The following SYNE2 variants were observed in gnomAD, a reference collection of about 807,000 sequenced individuals.
The protein encoded by SYNE2 is nesprin-2.
In SYNE2, 431 loss-of-function variants were observed where a neutral mutation model predicts 856.3. That is an observed-to-expected ratio of 0.50 (90% confidence interval 0.47 to 0.55). The LOEUF is 0.55. SYNE2 is among the 20% of genes least tolerant of loss of function. The pLI is 0.00. For synonymous variants in SYNE2, 2,923 were observed against 2,872.3 expected (o/e 1.02, Z -0.56); for missense variants, 8,129 against 8,023.2 (o/e 1.01, Z -0.50).
At chr14:64,114,449 A>T (rs1048509871) in intron 66 of SYNE2, among the ~76,000 whole-genome samples, 1 of 152,190 alleles carries the variant, frequency 6.6e-6, no homozygotes, top group Non-Finnish European at 1.5e-5. Context: ...GCCCTGCCAC[A>T]GGGAGCGTTT....
In SYNE2 at chr14:64,175,117, G is replaced by A. The variant is rs746000868; in HGVS notation, c.17409G>A (p.Lys5803=). The part of the protein sequence containing the change: ...DMEPQLAEMI[K]QFQSTVETWD... ...AGCCCCAGCTGGCAGAGATGATTAA[G>A]CAGTTCCAGAGCACTGTAGAGGTAA... Residue 5803 remains lysine, a synonymous_variant, in exon 95 of 116, where the codon AAG becomes AAA. Coordinates refer to ENST00000555002, the MANE Select transcript of SYNE2 (RefSeq NM_182914.3). The A allele has an allele frequency of 5.0e-6, 8 of 1,613,920 alleles. No individual in the cohort carries two copies. In the African/African-American group the frequency reaches 1.1e-4, roughly 22 times the overall value.
At chr14:64,047,332 GAC>G (rs2097193486) in intron 45 of SYNE2, among the ~76,000 whole-genome samples, 1 of 152,148 alleles carries the variant, frequency 6.6e-6, no homozygotes, top group African/African-American at 2.4e-5. Flanking sequence ...TTAAAGCGAA[GAC>G]ACCACTCAAA....
intron 87 of SYNE2, among the ~76,000 whole-genome samples, chr14:64,160,191 T>C (rs921032631): frequency 2.0e-5 from 3 of 152,194 alleles, no homozygotes; most frequent in Non-Finnish European, 4.4e-5. Flanking sequence ...GGAGACAGAC[T>C]AAGAGGAACC....
chr14:63,983,516 T>C (rs1366674612), intron 17 of SYNE2, among the ~76,000 whole-genome samples: 2 of 152,206 alleles, frequency 1.3e-5, no homozygotes, highest in Non-Finnish European at 2.9e-5. Flanking sequence ...ATATGTAGCA[T>C]AGTGCCTCAT....
chr14:64,194,132 A>G (rs1394765685), intron 99 of SYNE2, among the ~76,000 whole-genome samples: 1 of 152,218 alleles, frequency 6.6e-6, no homozygotes, highest in African/African-American at 2.4e-5. Context: ...TCATCAACAC[A>G]GGTCATTTAA....
chr14:64,099,347 A>G (rs2097702497), intron 63 of SYNE2: 1 of 172,892 alleles, frequency 5.8e-6, no homozygotes, highest in Non-Finnish European at 1.2e-5. Flanking sequence ...GGGTCTTAAG[A>G]CAAAAGGAAG....
At chr14:64,178,131 C>T (rs1001131278) in intron 96 of SYNE2, among the ~76,000 whole-genome samples, 4 of 152,170 alleles carry the variant, frequency 2.6e-5, no homozygotes, top group Non-Finnish European at 5.9e-5. Flanking sequence ...TTTCTTCCTT[C>T]AGTGACTTTC....
At chr14:64,183,056 G>GGA (rs1274534530) in intron 96 of SYNE2, among the ~76,000 whole-genome samples, 3 of 148,956 alleles carry the variant, frequency 2.0e-5, no homozygotes, top group Non-Finnish European at 4.5e-5. Flanking sequence ...GCTGCTGGGC[G>GGA]GAGACGCTCC....
intron 1 of SYNE2, among the ~76,000 whole-genome samples, chr14:63,883,602 C>G (rs8022052): frequency 0.033 from 4,961 of 151,930 alleles, 287 homozygotes; most frequent in African/African-American, 0.11. Flanking sequence ...GCAATCCTCC[C>G]ACCTTGGCCT....
At chr14:63,908,465 A>C (rs1457421265) in intron 1 of SYNE2, among the ~76,000 whole-genome samples, 1 of 152,138 alleles carries the variant, frequency 6.6e-6, no homozygotes, top group African/African-American at 2.4e-5. Flanking sequence ...TATGAAGTAA[A>C]AACTGCTCTC....
chr14:64,214,545 G>A (rs1464846097), intron 106 of SYNE2, 75 bp downstream of exon 106: 2 of 1,418,578 alleles, frequency 1.4e-6, no homozygotes, highest in Non-Finnish European at 1.9e-6. Flanking sequence ...AACACGGCCA[G>A]CTCTCAATGA....
Position 64,122,297 on chromosome 14 carries a change from C to T in SYNE2, c.13292C>T (p.Ser4431Phe), listed in dbSNP as rs867758242. ...TTCTTCTTCAAAAGCAACCAGGCAT[C>T]CAGCCCTGAAAATGACGTTCCAGAC... is the stretch of plus-strand genomic sequence containing the variant. ...TQESSASNQASSPENDVPDSI... is the reference protein window; with the variant it reads ...TQESSASNQAFSPENDVPDSI... The change falls in exon 70 of 116, where the codon TCC becomes TTC. Residue 4431 changes from serine to phenylalanine, a missense_variant. By Grantham distance (155) the Ser-to-Phe change is radical. Transcript: ENST00000555002. 1 of 1,614,166 alleles carries T rather than the reference C, an allele frequency of 6.2e-7. No individual in the cohort carries two copies. The highest frequency in any genetic ancestry group is 8.5e-7 in the Non-Finnish European group (1 of 1,180,024).
Position 64,029,908 on chromosome 14 carries a change from A to C in SYNE2, c.6728A>C (p.Asn2243Thr), listed in dbSNP as rs748682867. Reference sequence around the variant, plus strand: ...CTTTATTTTTAGGATTCTGTGCAAAACTTGGACGGTCACGTTCGAGAACAT... The same window carrying C: ...CTTTATTTTTAGGATTCTGTGCAAACCTTGGACGGTCACGTTCGAGAACAT... ...LLQQLQDSVQ[N>T]LDGHVREHDS... is the part of the protein sequence containing the mutation. Residue 2243 changes from asparagine (N) to threonine (T), a missense_variant, in exon 44 of 116, where the codon AAC becomes ACC. Coordinates refer to ENST00000555002, the MANE Select transcript of SYNE2 (RefSeq NM_182914.3). 1 of 1,613,832 alleles carries C rather than the reference A, an allele frequency of 6.2e-7. No homozygotes were observed. Among genetic ancestry groups the C allele is most frequent in the Non-Finnish European group, 8.5e-7 (1 of 1,179,880 alleles).
chr14:63,790,862 C>G (rs1887706290), intron 1 of SYNE2, among the ~76,000 whole-genome samples: 1 of 152,158 alleles, frequency 6.6e-6, no homozygotes, highest in Non-Finnish European at 1.5e-5. Context: ...TTTGCAAACT[C>G]TCCTGTCTAG....
chr14:64,097,868 T>C, intron 61 of SYNE2, 81 bp from the exon 62 acceptor site: 1 of 1,422,552 alleles, frequency 7.0e-7, no homozygotes, highest in Non-Finnish European at 9.9e-7. Context: ...TCTTCAGCCC[T>C]TGTACCAAAG....
chr14:64,194,873 T>C (rs771930187), intron 99 of SYNE2, among the ~76,000 whole-genome samples: 4 of 152,014 alleles, frequency 2.6e-5, no homozygotes, highest in Admixed American at 6.6e-5. Context: ...AGAGAAGGAG[T>C]TGACCTGCCA....
chr14:63,789,507 C>T (rs551367823), intron 1 of SYNE2, among the ~76,000 whole-genome samples: 1 of 152,108 alleles, frequency 6.6e-6, no homozygotes, highest in Non-Finnish European at 1.5e-5. Flanking sequence ...TCTGGCCGGG[C>T]GCAGTGGCTC....
Position 63,982,789 on chromosome 14 carries a change from C to A in SYNE2, c.1996C>A (p.Gln666Lys), listed in dbSNP as rs1488229138. 5 of 1,613,810 alleles carry A rather than the reference C, an allele frequency of 3.1e-6. No homozygotes were observed. The highest frequency in any genetic ancestry group is 4.2e-6 in the Non-Finnish European group (5 of 1,179,850). The change falls in exon 17 of 116, where the codon CAA (glutamine) becomes AAA (lysine). Residue 666 changes from glutamine (Q) to lysine (K), a missense_variant. Transcript: ENST00000555002. ...ATGGAGAAAGTTGGTTTCAAAAACTCAACTTGTAAGTTCTTTTGATTGGTT... is the reference window on the plus strand; with the variant it reads ...ATGGAGAAAGTTGGTTTCAAAAACTAAACTTGTAAGTTCTTTTGATTGGTT... The part of the protein sequence containing the change: ...KRWRKLVSKT[Q>K]LEMNLPLMIK...
chr14:63,970,973 C>T (rs2096467468), intron 11 of SYNE2, among the ~76,000 whole-genome samples: 1 of 151,608 alleles, frequency 6.6e-6, no homozygotes, highest in Non-Finnish European at 1.5e-5. Context: ...CCTTTTTTGC[C>T]TGGTTTTGGA....
Sources: allele counts gnomAD v4.1 joint callset (sites outside exome capture counted in the v4.1 genomes callset), GRCh38; gene constraint gnomAD v4.1.1; transcripts MANE v1.5; gene names NCBI Gene and HGNC (gene_info 2026-07-23, HGNC 2026-07-21).